The following WWOX variants were observed in gnomAD, a reference collection of about 807,000 sequenced individuals.
WWOX encodes WW domain-containing oxidoreductase.
A neutral mutation model predicts 46.2 loss-of-function variants in WWOX; 69 were observed. The ratio of observed to expected loss-of-function variants is 1.49; its 90% confidence interval spans 1.23 to 1.82. The LOEUF is 1.82. Ranked by LOEUF, WWOX falls within the 40% of genes most tolerant of loss-of-function variation. The probability of loss-of-function intolerance (pLI) is 0.00; values close to 1 mark genes in which losing one functional copy is unlikely to be tolerated. For synonymous variants in WWOX, 359 were observed against 202.6 expected, an observed-to-expected ratio of 1.77 and a Z score of -6.56; for missense variants, 919 against 542.6, an observed-to-expected ratio of 1.69 and a Z score of -6.89.
intron 5 of WWOX, among the ~76,000 whole-genome samples, chr16:78,314,311 C>G (rs1437946263): frequency 6.8e-6 from 1 of 147,236 alleles, no homozygotes; most frequent in Non-Finnish European, 1.5e-5. Flanking sequence ...GAGGCTGAGG[C>G]AGGAGAATGG....
chr16:78,433,484 C>A (rs866131637), intron 8 of WWOX, among the ~76,000 whole-genome samples: 1 of 152,112 alleles, frequency 6.6e-6, no homozygotes, highest in Admixed American at 6.6e-5. Flanking sequence ...TTTTCAAAAC[C>A]AAAGGACTTC....
chr16:78,401,017 C>T (rs944207453), intron 6 of WWOX, among the ~76,000 whole-genome samples: 1 of 151,272 alleles, frequency 6.6e-6, no homozygotes, highest in Non-Finnish European at 1.5e-5. Flanking sequence ...ACGAGGTCTC[C>T]TTGTGTTGTC....
rs145669960 is a variant in WWOX, at chr16:78,125,659, C to G, written c.409+10505C>G. On this transcript the variant is annotated intron_variant, in intron 4 of 8. Transcript: ENST00000566780. ...GGAGGATTGCTTGAGCTCAGGGGTT[C>G]GAGAGCAGCCTGGGCAACATAGCAA... is the stretch of plus-strand genomic sequence containing the variant. Among the ~76,000 whole-genome samples, 489 of 152,104 alleles carry G rather than the reference C, an allele frequency of 3.2e-3. 6 individuals are homozygous for G. The highest frequency in any genetic ancestry group is 0.011 in the African/African-American group (454 of 41,478).
chr16:79,142,664 T>C (rs1172651291), intron 8 of WWOX, among the ~76,000 whole-genome samples: 1 of 152,170 alleles, frequency 6.6e-6, no homozygotes, highest in East Asian at 1.9e-4. Context: ...TCAACGTTAA[T>C]AGAAATATAA....
At chr16:78,929,841 C>G (rs185504267) in intron 8 of WWOX, among the ~76,000 whole-genome samples, 3 of 152,292 alleles carry the variant, frequency 2.0e-5, no homozygotes, top group South Asian at 2.1e-4. Flanking sequence ...GCAGGAAATG[C>G]GATTGTGCAC....
Position 78,894,534 on chromosome 16 carries a change from G to A in WWOX, c.1057-317074G>A, listed in dbSNP as rs148072626. ...TTTCTGCTCTACCTAGTTCATTGCT[G>A]CAGCTGTAATCCAGCCTGATTCTAA... On this transcript the variant is annotated intron_variant, in intron 8 of 8. Coordinates refer to ENST00000566780, the MANE Select transcript of WWOX (RefSeq NM_016373.4). 5.9e-3 allele frequency among the ~76,000 whole-genome samples: 895 copies of A among 152,292 alleles called. 8 individuals carry two copies. The highest frequency in any genetic ancestry group is 0.021 in the African/African-American group (857 of 41,564).
chr16:78,679,681 C>T (rs1296409797), intron 8 of WWOX, among the ~76,000 whole-genome samples: 1 of 152,190 alleles, frequency 6.6e-6, no homozygotes, highest in Non-Finnish European at 1.5e-5. Context: ...GTATTGTTTT[C>T]ATATAAATCA....
chr16:78,128,156 T>G (rs1431471887), intron 4 of WWOX, among the ~76,000 whole-genome samples: 1 of 152,130 alleles, frequency 6.6e-6, no homozygotes, highest in Non-Finnish European at 1.5e-5. Flanking sequence ...ATTTAATTCC[T>G]TAATGGAAAG....
chr16:78,633,006 T>C (rs2046473735), intron 8 of WWOX, among the ~76,000 whole-genome samples: 2 of 152,152 alleles, frequency 1.3e-5, no homozygotes, highest in Admixed American at 6.5e-5. Context: ...CTCATGCCTG[T>C]AATCCTAGCA....
intron 8 of WWOX, among the ~76,000 whole-genome samples, chr16:79,209,884 T>G (rs1040067885): frequency 2.8e-4 from 42 of 152,230 alleles, no homozygotes; most frequent in Admixed American, 1.9e-3. Flanking sequence ...AAAGGAAATT[T>G]GGATGACATG....
chr16:78,632,504 C>A (rs1364599204), intron 8 of WWOX, among the ~76,000 whole-genome samples: 2 of 150,656 alleles, frequency 1.3e-5, no homozygotes, highest in South Asian at 4.2e-4. Context: ...TGATAGAACC[C>A]CTTAGTGTCC....
intron 8 of WWOX, among the ~76,000 whole-genome samples, chr16:78,576,702 C>G (rs1016540672): frequency 6.6e-6 from 1 of 152,060 alleles, no homozygotes; most frequent in African/African-American, 2.4e-5. Flanking sequence ...CATGATGGCT[C>G]ATAGGTGTAG....
chr16:78,704,241 G>A (rs1336791114), intron 8 of WWOX, among the ~76,000 whole-genome samples: 2 of 151,810 alleles, frequency 1.3e-5, no homozygotes, highest in Non-Finnish European at 2.9e-5. Flanking sequence ...ACCTACCTTA[G>A]CATTTGATGA....
At chr16:78,590,146 G>GTGTCTCTCTCTCTC (rs1555569766) in intron 8 of WWOX, among the ~76,000 whole-genome samples, 5 of 149,618 alleles carry the variant, frequency 3.3e-5, no homozygotes, top group African/African-American at 7.4e-5. Context: ...TAGGCATTCA[G>GTGTCTCTCTCTCTC]TCTCTCTCTC....
chr16:78,925,242 A>T (rs374882690), intron 8 of WWOX, among the ~76,000 whole-genome samples: 29 of 152,296 alleles, frequency 1.9e-4, no homozygotes, highest in Admixed American at 1.1e-3. Context: ...GCCTGGTAGA[A>T]GCCACATGAC....
chr16:78,316,726 T>A (rs1235500846), intron 5 of WWOX, among the ~76,000 whole-genome samples: 2 of 152,168 alleles, frequency 1.3e-5, no homozygotes, highest in Admixed American at 6.5e-5. Context: ...TTGCAATCTA[T>A]AAGCTTCTGT....
intron 8 of WWOX, among the ~76,000 whole-genome samples, chr16:78,595,087 A>C (rs79101525): frequency 6.6e-6 from 1 of 152,200 alleles, no homozygotes; most frequent in Admixed American, 6.5e-5. Context: ...TGCCATGCGC[A>C]TGAGGCTGTG....
At chr16:78,567,995 G>C (rs920618850) in intron 8 of WWOX, among the ~76,000 whole-genome samples, 1 of 152,140 alleles carries the variant, frequency 6.6e-6, no homozygotes, top group Non-Finnish European at 1.5e-5. Context: ...GTGAAATCTA[G>C]AGCCTCTGTT....
At chr16:79,001,468 G>T (rs968534940) in intron 8 of WWOX, among the ~76,000 whole-genome samples, 1 of 152,168 alleles carries the variant, frequency 6.6e-6, no homozygotes, top group Non-Finnish European at 1.5e-5. Context: ...TGTGCGTGCA[G>T]CTTCTGTTTA....
Sources: gnomAD v4.1 joint callset for allele counts (sites outside exome capture counted in the v4.1 genomes callset) on GRCh38, gnomAD v4.1.1 for gene constraint, MANE v1.5 for transcripts, NCBI Gene and HGNC (gene_info 2026-07-23, HGNC 2026-07-21) for gene names.